SOAT2: variants seen among roughly 807,000 people sequenced by gnomAD.
The protein encoded by SOAT2 is ACAT-2.
SOAT2 carries 87 observed loss-of-function variants against 76.0 expected under a neutral mutation model. That is an observed-to-expected ratio of 1.14 (90% CI 0.96 to 1.37). SOAT2 has a LOEUF of 1.37. Among genes scored for constraint, SOAT2 ranks in the 40% most tolerant of loss-of-function variants. The probability of loss-of-function intolerance (pLI) is 0.00; values close to 1 mark genes in which losing one functional copy is unlikely to be tolerated. For missense variants in SOAT2, 686 were observed against 682.1 expected (o/e 1.01, Z -0.06); for synonymous variants, 285 against 275.4 (o/e 1.03, Z -0.34).
At chr12:53,108,268 A>G (rs1211572399) in intron 5 of SOAT2, among the ~76,000 whole-genome samples, 1 of 152,202 alleles carries the variant, frequency 6.6e-6, no homozygotes, top group Non-Finnish European at 1.5e-5. Flanking sequence ...GAAACCCTGG[A>G]CAGGGACTGT....
In SOAT2 at chr12:53,105,104, T is replaced by A; in HGVS notation, c.139-3T>A. ...TGGGCTCTACCCTGGCTTTGTCCCG[T>A]AGGCTGTGAAGGCACAATTGCTGGA... On this transcript the variant is annotated splice_polypyrimidine_tract_variant and splice_region_variant and intron_variant, in intron 2 of 14. Transcript: ENST00000301466. 1 of 1,556,066 alleles carries A rather than the reference T, an allele frequency of 6.4e-7. No homozygotes were observed. The highest frequency in any genetic ancestry group is 8.7e-7 in the Non-Finnish European group (1 of 1,149,490).
At position 53,118,381 on chromosome 12, in the gene SOAT2, C is replaced by T; in HGVS notation, c.810C>T (p.Ser270=). ...GEGIQAPSFS[S]YLYFLFCPTL... is the part of the protein sequence containing the mutation. ...GGATCCAGGCCCCCAGTTTCTCCAG[C>T]TACCTCTACTTCCTCTTCTGCCCAA... Residue 270 remains serine (S), a synonymous_variant, in exon 8 of 15, where the codon AGC becomes AGT. Coordinates refer to ENST00000301466, the MANE Select transcript of SOAT2 (RefSeq NM_003578.4). 1 of 1,613,734 alleles carries T rather than the reference C, an allele frequency of 6.2e-7. No homozygotes were observed. Among genetic ancestry groups the T allele is most frequent in the Non-Finnish European group, 8.5e-7 (1 of 1,179,834 alleles).
chr12:53,110,361 AG>A (rs1247484361), intron 5 of SOAT2, among the ~76,000 whole-genome samples: 1 of 152,218 alleles, frequency 6.6e-6, no homozygotes, highest in Non-Finnish European at 1.5e-5. Flanking sequence ...CATGTGTCCT[AG>A]GACTTACCTA....
In SOAT2 at chr12:53,122,789, C is replaced by G. The variant is rs958006122; in HGVS notation, c.1237-292C>G. 7.9e-5 allele frequency among the ~76,000 whole-genome samples: 12 copies of G among 152,356 alleles called. No individual in the cohort carries two copies. In the South Asian group the frequency reaches 1.0e-3, roughly 13 times the overall value. The stretch of plus-strand genomic sequence containing the variant: ...CTCAATCCTTTCCCCACCTTTCCCC[C>G]CTTTCTATTCCACAAAACTGCCATT... On this transcript the variant is annotated intron_variant, in intron 12 of 14. Coordinates refer to ENST00000301466, the MANE Select transcript of SOAT2 (RefSeq NM_003578.4).
Position 53,123,200 on chromosome 12 carries a change from C to G in SOAT2, c.1356C>G (p.Leu452=). ...TCTTCTATCCCGTCATGCTGATACT[C>G]TTCCTTGTCATTGGAGGTGAGCTGG... ...LGFFYPVMLI[L]FLVIGGMLNF... Residue 452 remains leucine, a synonymous_variant, in exon 13 of 15, where the codon CTC becomes CTG. Transcript: ENST00000301466. 1 of 1,614,012 alleles carries G rather than the reference C, an allele frequency of 6.2e-7. No individual in the cohort carries two copies. Among genetic ancestry groups the G allele is most frequent in the Non-Finnish European group, 8.5e-7 (1 of 1,179,976 alleles).
rs1013809754 is a variant in SOAT2, at chr12:53,116,155, G to A, written c.767G>A (p.Arg256His). Residue 256 changes from arginine (R) to histidine (H), a missense_variant, in exon 7 of 15, where the codon CGT (arginine) becomes CAT (histidine). Arg to His is a conservative substitution (Grantham distance 29). Transcript: ENST00000301466. ...FLREAVPGTL[R>H]ARRGEGIQAP... Reference sequence around the variant, plus strand: ...AGAGAGGCTGTGCCTGGGACCCTTCGTGCCAGACGAGGTGAGGCCTTCATC... The same window carrying A: ...AGAGAGGCTGTGCCTGGGACCCTTCATGCCAGACGAGGTGAGGCCTTCATC... 14 of 1,613,924 alleles carry A rather than the reference G, an allele frequency of 8.7e-6. No homozygotes were observed. The highest frequency in any genetic ancestry group is 2.7e-5 in the African/African-American group (2 of 74,918).
At chr12:53,110,197 C>T (rs1937991825) in intron 5 of SOAT2, among the ~76,000 whole-genome samples, 1 of 152,184 alleles carries the variant, frequency 6.6e-6, no homozygotes, top group Admixed American at 6.5e-5. Context: ...GTTTCTTCAA[C>T]AGTGTTAAAT....
At chr12:53,104,341 G>C (rs1249016130) in intron 2 of SOAT2, 135 bp downstream of exon 2, 3 of 619,438 alleles carry the variant, frequency 4.8e-6, no homozygotes, top group Non-Finnish European at 8.3e-6. Flanking sequence ...GCTCAGGCTG[G>C]AGTGCATTGG....
rs776766186 is a variant in SOAT2 at position 53,115,547 on chromosome 12, T to C, written c.601T>C (p.Cys201Arg). Reference protein sequence around the residue: ...GTWTQATGLGCALLAAHAVVL... With the variant: ...GTWTQATGLGRALLAAHAVVL... ...CTGGACGCAGGCGACGGGCCTGGGC[T>C]GTGCGCTGCTAGCCGCCCACGCCGT... Residue 201 changes from cysteine to arginine, a missense_variant, in exon 6 of 15, where the codon TGT becomes CGT. Coordinates refer to ENST00000301466, the MANE Select transcript of SOAT2 (RefSeq NM_003578.4). 1.6e-5 allele frequency: 26 copies of C among 1,596,808 alleles called. No homozygotes were observed. Among genetic ancestry groups the C allele is most frequent in the Non-Finnish European group, 2.1e-5 (25 of 1,176,474 alleles).
rs140946531 is a variant in SOAT2, at chr12:53,119,246, G to A, written c.1032G>A (p.Thr344=). ...RALVLSILHA[T]LPGIFMLLLI... is the part of the protein sequence containing the mutation. ...TGGTGCTCTCTATCCTGCATGCCAC[G>A]TTGCCAGGTGAGCCAACTAAGGTAG... Residue 344 remains threonine, a synonymous_variant, in exon 10 of 15, where the codon ACG becomes ACA. Coordinates refer to ENST00000301466, the MANE Select transcript of SOAT2 (RefSeq NM_003578.4). 137 of 1,613,932 alleles carry A rather than the reference G, an allele frequency of 8.5e-5. No homozygotes were observed. Among genetic ancestry groups the A allele is most frequent in the Middle Eastern group, 3.3e-4 (2 of 6,062 alleles).
chr12:53,110,202 T>A (rs1309306639), intron 5 of SOAT2, among the ~76,000 whole-genome samples: 2 of 152,240 alleles, frequency 1.3e-5, no homozygotes, highest in African/African-American at 4.8e-5. Flanking sequence ...TTCAACAGTG[T>A]TAAATATATA....
chr12:53,115,621 G>T lies in SOAT2; in HGVS notation c.675G>T (p.Pro225=), dbSNP rs201049699. The change falls in exon 6 of 15, where the codon CCG becomes CCT. Residue 225 remains proline (P), a synonymous_variant. Transcript: ENST00000301466. ...ACGTGGCCGTGGAGCATCAGCTCCC[G>T]CCGGCCTCCCGTTGTGTCCTGGTCT... ...PVHVAVEHQL[P]PASRCVLVFE... is the part of the protein sequence containing the mutation. 13 of 1,559,302 alleles carry T rather than the reference G, an allele frequency of 8.3e-6. No homozygotes were observed. The Middle Eastern group carries it at 6.8e-4, about 82-fold the overall frequency.
chr12:53,123,966 G>T, intron 14 of SOAT2, 93 bp downstream of exon 14: 7 of 1,605,630 alleles, frequency 4.4e-6, no homozygotes, highest in Non-Finnish European at 6.0e-6. Context: ...ACCGGCCACA[G>T]TCAGGCACCA....
At position 53,105,178 on chromosome 12, in the gene SOAT2, G is replaced by A. The variant is rs779955575; in HGVS notation, c.210G>A (p.Glu70=). 6.3e-7 allele frequency: 1 copy of A among 1,593,706 alleles called. No homozygotes were observed. The highest frequency in any genetic ancestry group is 8.5e-7 in the Non-Finnish European group (1 of 1,170,232). The part of the protein sequence containing the change: ...LRELLDRAMR[E]AIQSYPSQDK... ...AGCTGCTGGATCGGGCCATGCGGGA[G>A]GCTATACAATCCTACCCATCACAAG... Residue 70 remains glutamate, a synonymous_variant, in exon 3 of 15, where the codon GAG becomes GAA. Coordinates refer to ENST00000301466, the MANE Select transcript of SOAT2 (RefSeq NM_003578.4).
In SOAT2 at chr12:53,105,010, CTGTGCCT is replaced by C. The variant is rs1443332247; in HGVS notation, c.139-96_139-90del. The C allele has an allele frequency of 2.6e-6, 3 of 1,174,240 alleles. No homozygotes were observed. In the African/African-American group the frequency reaches 4.9e-5, roughly 19 times the overall value. The allele number at this position is 1,174,240 out of a possible 1,614,324, so 72.7% of individuals were successfully genotyped here. On this transcript the variant is annotated intron_variant, in intron 2 of 14. Transcript: ENST00000301466. ...GTTGTTTTTTTTTTTAAAAAAAGCA[CTGTGCCT>C]GGCATAGACAGAAATTCAGTGAATG...
intron 10 of SOAT2, among the ~76,000 whole-genome samples, chr12:53,119,902 ATCTT>A (rs1318348818): frequency 6.6e-6 from 1 of 152,174 alleles, no homozygotes; most frequent in Non-Finnish European, 1.5e-5. Context: ...ATGGTTGGAC[ATCTT>A]TCTGTCTCTG....
Position 53,115,578 on chromosome 12 carries a change from T to A in SOAT2, c.632T>A (p.Leu211His), listed in dbSNP as rs199822238. The change falls in exon 6 of 15, where the codon CTC becomes CAC. Residue 211 changes from leucine to histidine, a missense_variant. Physicochemically the swap from Leu to His is moderately conservative, Grantham distance 99. Transcript: ENST00000301466. ...CTGCTAGCCGCCCACGCCGTGGTGCTCTGCGCGCTGCCGGTCCACGTGGCC... is the reference window on the plus strand; with the variant it reads ...CTGCTAGCCGCCCACGCCGTGGTGCACTGCGCGCTGCCGGTCCACGTGGCC... The part of the protein sequence containing the change: ...CALLAAHAVV[L>H]CALPVHVAVE... 1.8e-5 allele frequency: 29 copies of A among 1,584,962 alleles called. No individual in the cohort carries two copies. The Admixed American group carries it at 3.3e-4, about 18-fold the overall frequency.
At chr12:53,113,052 C>A (rs969253041) in intron 5 of SOAT2, among the ~76,000 whole-genome samples, 1 of 152,062 alleles carries the variant, frequency 6.6e-6, no homozygotes, top group African/African-American at 2.4e-5. Context: ...GGATTACAGG[C>A]GTGAGCCACT....
intron 11 of SOAT2, 36 bp downstream of exon 11, chr12:53,120,919 ATAGGGAGGGT>A (rs780190503): frequency 6.6e-7 from 1 of 1,521,630 alleles, no homozygotes; most frequent in East Asian, 2.3e-5. Flanking sequence ...GAAGCTGGAG[ATAGGGAGGGT>A]TAGGGAGGGA....
Sources: gnomAD v4.1 joint callset for allele counts (sites outside exome capture counted in the v4.1 genomes callset) on GRCh38, gnomAD v4.1.1 for gene constraint, MANE v1.5 for transcripts, NCBI Gene and HGNC (gene_info 2026-07-23, HGNC 2026-07-21) for gene names.